Variants in KANK1 observed in about 807,000 individuals in gnomAD.
KANK1 encodes KN motif and ankyrin repeat domain-containing protein 1.
Under a neutral mutation model 106.2 loss-of-function variants are expected in KANK1, and 109 were observed. That is an observed-to-expected ratio of 1.03 (90% CI 0.88 to 1.20). The LOEUF (loss-of-function observed/expected upper bound fraction) is 1.20, where lower values mean the gene tolerates loss of function less well. KANK1 is among the 50% of genes most tolerant of loss of function. The pLI is 0.00. For synonymous variants in KANK1, 873 were observed against 652.2 expected, an observed-to-expected ratio of 1.34 and a Z score of -5.16; for missense variants, 2,399 against 1,710.7, an observed-to-expected ratio of 1.40 and a Z score of -7.10.
At chr9:533,069 G>C (rs1467151811) in intron 1 of KANK1, among the ~76,000 whole-genome samples, 3 of 152,160 alleles carry the variant, frequency 2.0e-5, no homozygotes, top group Non-Finnish European at 4.4e-5. Context: ...TTGAATATTT[G>C]CATTGCTTTG....
chr9:537,966 A>G (rs183262285), intron 1 of KANK1, among the ~76,000 whole-genome samples: 145 of 152,296 alleles, frequency 9.5e-4, no homozygotes, highest in Middle Eastern at 6.8e-3. Flanking sequence ...ACTCAACACA[A>G]CAAGTTGCCC....
chr9:559,256 C>G (rs533524079), intron 1 of KANK1, among the ~76,000 whole-genome samples: 1 of 152,228 alleles, frequency 6.6e-6, no homozygotes, highest in Non-Finnish European at 1.5e-5. Flanking sequence ...TAATTTCTTG[C>G]AGAGGTTTTT....
At chr9:685,958 A>G (rs915502506) in intron 2 of KANK1, among the ~76,000 whole-genome samples, 1 of 152,132 alleles carries the variant, frequency 6.6e-6, no homozygotes, top group Non-Finnish European at 1.5e-5. Flanking sequence ...TCCACTGTCC[A>G]TTAGGCCAAG....
intron 3 of KANK1, among the ~76,000 whole-genome samples, chr9:715,917 A>C (rs979558122): frequency 1.3e-5 from 2 of 152,230 alleles, no homozygotes; most frequent in East Asian, 3.8e-4. Context: ...GATGCTCAAC[A>C]CTTAGAAGCT....
rs76883446 is a variant in KANK1 at position 694,061 on chromosome 9, A to G, written c.38-16743A>G. Among the ~76,000 whole-genome samples the G allele has an allele frequency of 5.1e-3, 773 of 152,286 alleles. 6 individuals carry two copies. The highest frequency in any genetic ancestry group is 0.018 in the African/African-American group (729 of 41,538). ...TGAGTTTAAGGTTTAGTTCAATTCA[A>G]TAATTTCCTTTTTTGTTGCTAAATC... On this transcript the variant is annotated intron_variant, in intron 2 of 11. Transcript: ENST00000382297.
intron 3 of KANK1, among the ~76,000 whole-genome samples, chr9:716,313 C>T (rs1827680070): frequency 6.6e-6 from 1 of 152,156 alleles, no homozygotes; most frequent in South Asian, 2.1e-4. Flanking sequence ...AGTATAAATG[C>T]TCAATGAAAG....
chr9:726,544 C>T (rs1252650725), intron 3 of KANK1, among the ~76,000 whole-genome samples: 2 of 151,892 alleles, frequency 1.3e-5, no homozygotes, highest in East Asian at 3.9e-4. Flanking sequence ...GAGGCTGAGG[C>T]AGGAGAATCG....
chr9:580,603 A>C (rs1821824508), intron 1 of KANK1, among the ~76,000 whole-genome samples: 2 of 152,204 alleles, frequency 1.3e-5, no homozygotes, highest in South Asian at 4.1e-4. Context: ...TGCATTTGCA[A>C]ACCTTGAGCT....
intron 1 of KANK1, among the ~76,000 whole-genome samples, chr9:665,568 T>C (rs1156931396): frequency 1.3e-5 from 2 of 152,216 alleles, no homozygotes; most frequent in Non-Finnish European, 2.9e-5. Flanking sequence ...CTGGCTACTA[T>C]AGCCTTGTAG....
chr9:709,072 C>A (rs1338967549), intron 2 of KANK1, among the ~76,000 whole-genome samples: 1 of 152,188 alleles, frequency 6.6e-6, no homozygotes, highest in African/African-American at 2.4e-5. Flanking sequence ...CCCTTATCTT[C>A]ATTCTTTGCA....
At chr9:715,627 T>C (rs1366440803) in intron 3 of KANK1, among the ~76,000 whole-genome samples, 1 of 152,168 alleles carries the variant, frequency 6.6e-6, no homozygotes, top group African/African-American at 2.4e-5. Flanking sequence ...AACACCTAAT[T>C]AATCAGCTAA....
At position 546,240 on chromosome 9, in the gene KANK1, A is replaced by G. The variant is rs78742916; in HGVS notation, c.-84+41486A>G. On this transcript the variant is annotated intron_variant, in intron 1 of 11. Transcript: ENST00000382297. ...TATCTGCACTTCTCAATCGAAGGCA[A>G]TGTTGCCTCCCAGGGAATATTTGGC... 3.0e-3 allele frequency among the ~76,000 whole-genome samples: 457 copies of G among 152,150 alleles called. 2 individuals are homozygous for G. The highest frequency in any genetic ancestry group is 4.5e-3 in the Non-Finnish European group (307 of 68,002).
chr9:587,663 A>G (rs1494001), intron 1 of KANK1, among the ~76,000 whole-genome samples: 123,712 of 152,214 alleles, frequency 0.81, 50,704 homozygotes, highest in African/African-American at 0.92. Flanking sequence ...AACATTTATT[A>G]CATGCTTGTG....
At chr9:500,908 T>G (rs937813639), upstream of KANK1, among the ~76,000 whole-genome samples, 2 of 152,172 alleles carry the variant, frequency 1.3e-5, no homozygotes, top group Non-Finnish European at 2.9e-5. Context: ...ATGGAAAGAT[T>G]ACAACATATG....
intron 1 of KANK1, among the ~76,000 whole-genome samples, chr9:580,788 G>A (rs2135273329): frequency 1.3e-5 from 2 of 152,364 alleles, no homozygotes; most frequent in Middle Eastern, 6.8e-3. Flanking sequence ...GAGCCCTTGG[G>A]TAGTCAATGG....
At chr9:668,996 G>A (rs538717029) in intron 1 of KANK1, among the ~76,000 whole-genome samples, 4 of 152,174 alleles carry the variant, frequency 2.6e-5, no homozygotes, top group South Asian at 2.1e-4. Flanking sequence ...ACATGCGACG[G>A]ACCAGTACTG....
chr9:539,863 A>G (rs1385670581), intron 1 of KANK1, among the ~76,000 whole-genome samples: 3 of 152,236 alleles, frequency 2.0e-5, no homozygotes, highest in African/African-American at 7.2e-5. Flanking sequence ...TATATATAAT[A>G]GAAGTGCTAC....
chr9:529,448 C>T (rs976203584), intron 1 of KANK1, among the ~76,000 whole-genome samples: 1 of 151,182 alleles, frequency 6.6e-6, no homozygotes, highest in African/African-American at 2.4e-5. Context: ...ATCCACTTGC[C>T]TTCGCCTTCC....
intron 1 of KANK1, among the ~76,000 whole-genome samples, chr9:614,303 C>G (rs1195750243): frequency 6.6e-6 from 1 of 152,162 alleles, no homozygotes; most frequent in Non-Finnish European, 1.5e-5. Context: ...AATATGATCT[C>G]TCTCAGGAAA....
Sources: allele counts gnomAD v4.1 joint callset (sites outside exome capture counted in the v4.1 genomes callset), GRCh38; gene constraint gnomAD v4.1.1; transcripts MANE v1.5; gene names NCBI Gene and HGNC (gene_info 2026-07-23, HGNC 2026-07-21).